Variants in URB1 observed in about 807,000 individuals in gnomAD.
URB1 encodes nucleolar pre-ribosomal-associated protein 1.
In URB1, 197 loss-of-function variants were observed where a neutral mutation model predicts 242.3. The ratio of observed to expected loss-of-function variants is 0.81; its 90% CI spans 0.72 to 0.91. The LOEUF is 0.91. Ranked by LOEUF, URB1 falls within the 40% of genes least tolerant of loss-of-function variation. The pLI is 0.00. For missense variants in URB1, 2,721 were observed against 2,860.5 expected, an observed-to-expected ratio of 0.95 and a Z score of 1.11; for synonymous variants, 1,153 against 1,201.8, an observed-to-expected ratio of 0.96 and a Z score of 0.84.
intron 13 of URB1, 77 bp downstream of exon 13, chr21:32,360,930 G>A (rs1422151588): frequency 1.9e-6 from 2 of 1,057,282 alleles, no homozygotes; most frequent in Non-Finnish European, 2.7e-6. Flanking sequence ...CAGCCTTCCT[G>A]ATTCTTGGCT....
At chr21:32,319,834 G>C (rs760905988) in intron 35 of URB1, among the ~76,000 whole-genome samples, 4 of 152,064 alleles carry the variant, frequency 2.6e-5, no homozygotes, top group African/African-American at 4.8e-5. Flanking sequence ...GATGTACTTG[G>C]ATATATTAGT....
Position 32,384,480 on chromosome 21 carries a change from T to G in URB1, c.283-16A>C, listed in dbSNP as rs915551368. The G allele has an allele frequency of 2.6e-6, 4 of 1,548,074 alleles. No homozygotes were observed. The African/African-American group carries it at 4.1e-5, about 16-fold the overall frequency. ...TTAACATCGTCTGCAAAGACAGAAT[T>G]GAAACGCTTAGAAATCGTCTCATTT... On this transcript the variant is annotated splice_polypyrimidine_tract_variant and intron_variant, in intron 2 of 38. Transcript: ENST00000382751.
chr21:32,362,113 G>A (rs1264941487), intron 11 of URB1, 92 bp from the exon 12 acceptor site: 1 of 1,475,544 alleles, frequency 6.8e-7, no homozygotes, highest in Admixed American at 2.2e-5. Context: ...AAAAAACAGG[G>A]AGGGGGGTGC....
In URB1 at chr21:32,347,221, G is replaced by A. The variant is rs762521147; in HGVS notation, c.3603C>T (p.Leu1201=). Residue 1201 remains leucine (L), a synonymous_variant, in exon 22 of 39, where the codon CTC becomes CTT. Coordinates refer to ENST00000382751, the MANE Select transcript of URB1 (RefSeq NM_014825.3). The stretch of plus-strand genomic sequence containing the variant: ...GCACAGGGTCTCTCTGCAGAGTGTG[G>A]AGGAGCACTGTGTCCAGCTCGTCCA... The part of the protein sequence containing the change: ...LAVDELDTVL[L]HTLQRDPVLA... The A allele has an allele frequency of 3.5e-5, 54 of 1,550,544 alleles. No homozygotes were observed. The highest frequency in any genetic ancestry group is 1.7e-4 in the Middle Eastern group (1 of 6,010).
rs2033559656 is a variant in URB1, at chr21:32,384,465, C to T, written c.283-1G>A. 1.9e-6 allele frequency: 3 copies of T among 1,549,982 alleles called. No homozygotes were observed. The highest frequency in any genetic ancestry group is 2.6e-6 in the Non-Finnish European group (3 of 1,145,578). ...CGAAAACTTGAAATATTAACATCGT[C>T]TGCAAAGACAGAATTGAAACGCTTA... is the stretch of plus-strand genomic sequence containing the variant. On this transcript the variant is annotated splice_acceptor_variant, in intron 2 of 38. Transcript: ENST00000382751. LOFTEE classifies it high-confidence loss of function.
chr21:32,315,944 C>A (rs2032675861), intron 38 of URB1, among the ~76,000 whole-genome samples: 1 of 152,216 alleles, frequency 6.6e-6, no homozygotes, highest in African/African-American at 2.4e-5. Flanking sequence ...GCTCTAACGG[C>A]CCCCTGGAGC....
Position 32,385,675 on chromosome 21 carries a change from G to A in URB1, c.152C>T (p.Ala51Val), listed in dbSNP as rs368433877. 59 of 1,550,786 alleles carry A rather than the reference G, an allele frequency of 3.8e-5. No homozygotes were observed. The highest frequency in any genetic ancestry group is 3.4e-4 in the African/African-American group (25 of 73,006). ...DPQGPGPGLE[A>V]FVSAAKKLPR... is the part of the protein sequence containing the mutation. ...TAGCTTCTTGGCAGCAGACACAAAC[G>A]CTTCCAAGCCTGAAAAAAAAGTTAT... Residue 51 changes from alanine to valine, a missense_variant, in exon 2 of 39, where the codon GCG becomes GTG. Ala to Val is a moderately conservative substitution (Grantham distance 64). Coordinates refer to ENST00000382751, the MANE Select transcript of URB1 (RefSeq NM_014825.3).
rs1398978091 is a variant in URB1 at position 32,383,503 on chromosome 21, C to T, written c.486G>A (p.Pro162=). The change falls in exon 4 of 39, where the codon CCG becomes CCA. Residue 162 remains proline (P), a synonymous_variant. Coordinates refer to ENST00000382751, the MANE Select transcript of URB1 (RefSeq NM_014825.3). ...GGCTGCAGACGTCCCTGGCAGCTTCCGGACCCTGGGTCACCATGGCGGTCA... is the reference window on the plus strand; with the variant it reads ...GGCTGCAGACGTCCCTGGCAGCTTCTGGACCCTGGGTCACCATGGCGGTCA... ...SLMTAMVTQG[P]EAARDVCSHF... The T allele has an allele frequency of 1.6e-5, 25 of 1,551,468 alleles. No homozygotes were observed. The highest frequency in any genetic ancestry group is 3.9e-5 in the Admixed American group (2 of 50,976).
chr21:32,386,682 G>C (rs1316103647), intron 1 of URB1, among the ~76,000 whole-genome samples: 1 of 152,140 alleles, frequency 6.6e-6, no homozygotes, highest in Admixed American at 6.5e-5. Context: ...GGTATAACAA[G>C]AAAAACCATA....
intron 14 of URB1, among the ~76,000 whole-genome samples, chr21:32,358,850 G>A (rs1457842898): frequency 6.6e-6 from 1 of 152,148 alleles, no homozygotes; most frequent in Non-Finnish European, 1.5e-5. Flanking sequence ...GTCCCATCCT[G>A]GACCCACCAC....
chr21:32,375,167 C>T (rs1421854096), intron 6 of URB1, among the ~76,000 whole-genome samples: 1 of 152,204 alleles, frequency 6.6e-6, no homozygotes, highest in Non-Finnish European at 1.5e-5. Flanking sequence ...AATAAAACAG[C>T]AGCCATGTCT....
intron 8 of URB1, among the ~76,000 whole-genome samples, chr21:32,369,619 C>G (rs2033385061): frequency 6.6e-6 from 1 of 152,094 alleles, no homozygotes; most frequent in African/African-American, 2.4e-5. Context: ...ACCACCACAT[C>G]TGGAAATAAA....
Position 32,317,749 on chromosome 21 carries a change from G to C in URB1, c.5961C>G (p.Leu1987=). The C allele has an allele frequency of 6.4e-7, 1 of 1,551,878 alleles. No individual in the cohort carries two copies. The highest frequency in any genetic ancestry group is 1.2e-5 in the South Asian group (1 of 84,062). The stretch of plus-strand genomic sequence containing the variant: ...CCTGGAGCTTGAGGTCTCTTTCAAT[G>C]AGGCTCCACTTGTGCAAGAGGACAA... ...DVLVLLHKWS[L]IERDLKLQED... Residue 1987 remains leucine (L), a synonymous_variant, in exon 37 of 39, where the codon CTC becomes CTG. Coordinates refer to ENST00000382751, the MANE Select transcript of URB1 (RefSeq NM_014825.3).
intron 21 of URB1, 71 bp downstream of exon 21, chr21:32,349,233 T>A (rs2033127708): frequency 7.0e-7 from 1 of 1,435,342 alleles, no homozygotes; most frequent in Non-Finnish European, 9.2e-7. Flanking sequence ...TGTTTGTTTT[T>A]AATCAGAAGT....
intron 35 of URB1, 101 bp from the exon 36 acceptor site, chr21:32,319,515 A>G (rs1283121890): frequency 8.3e-7 from 1 of 1,208,302 alleles, no homozygotes; most frequent in African/African-American, 1.6e-5. Flanking sequence ...CCCCTAGATA[A>G]GCATAGTCTC....
intron 21 of URB1, among the ~76,000 whole-genome samples, 178 bp from the exon 22 acceptor site, chr21:32,347,989 G>A (rs918978744): frequency 2.6e-5 from 4 of 152,190 alleles, no homozygotes; most frequent in Admixed American, 6.5e-5. Flanking sequence ...CCAAGGCATC[G>A]CAGCCAAGCC....
At chr21:32,367,835 C>T (rs2033363258) in intron 9 of URB1, among the ~76,000 whole-genome samples, 1 of 152,140 alleles carries the variant, frequency 6.6e-6, no homozygotes, top group Admixed American at 6.5e-5. Flanking sequence ...TGCTGAGACT[C>T]AACAAGATTT....
chr21:32,334,062 A>C lies in URB1; in HGVS notation c.4857+101T>G, dbSNP rs1165704342. On this transcript the variant is annotated intron_variant, in intron 29 of 38. Coordinates refer to ENST00000382751, the MANE Select transcript of URB1 (RefSeq NM_014825.3). ...TTATATATGATAAGATTCTTACTTA[A>C]TAAAAAGGTAAATAACAAGAAAAAC... 2.2e-6 allele frequency: 3 copies of C among 1,356,570 alleles called. No individual in the cohort carries two copies. The African/African-American group carries it at 4.4e-5, about 20-fold the overall frequency. 84.0% of individuals were successfully genotyped at this position (1,356,570 alleles called of 1,614,324 possible).
At chr21:32,315,179 G>A (rs143757295) in intron 38 of URB1, 80 bp from the exon 39 acceptor site, 61 of 1,380,564 alleles carry the variant, frequency 4.4e-5, no homozygotes, top group Middle Eastern at 1.9e-4. Flanking sequence ...ACAATGCAAC[G>A]GCTTTGCCAA....
Sources: gnomAD v4.1 joint callset for allele counts (sites outside exome capture counted in the v4.1 genomes callset) on GRCh38, gnomAD v4.1.1 for gene constraint, MANE v1.5 for transcripts, NCBI Gene and HGNC (gene_info 2026-07-23, HGNC 2026-07-21) for gene names.